GAS2L3: variants seen among roughly 807,000 people sequenced by gnomAD.
The protein encoded by GAS2L3 is growth arrest specific 2 like 3.
Under a neutral mutation model 37.0 loss-of-function variants are expected in GAS2L3, and 28 were observed. The ratio of observed to expected loss-of-function variants is 0.76; its 90% CI spans 0.56 to 1.04. The LOEUF (loss-of-function observed/expected upper bound fraction) is 1.04, where lower values mean the gene tolerates loss of function less well. Ranked by LOEUF, GAS2L3 falls within the 50% of genes least tolerant of loss-of-function variation. The probability of loss-of-function intolerance (pLI) is 0.00; values close to 1 mark genes in which losing one functional copy is unlikely to be tolerated. For synonymous variants in GAS2L3, 290 were observed against 296.6 expected (o/e 0.98, Z 0.23); for missense variants, 793 against 817.6 (o/e 0.97, Z 0.37).
At chr12:100,579,585 G>A (rs1955683487) in intron 1 of GAS2L3, 1 of 773,464 alleles carries the variant, frequency 1.3e-6, no homozygotes, top group Admixed American at 1.7e-5. Context: ...CCAGTTGCAT[G>A]ACAGGGTGCA....
rs972165199 is a variant in GAS2L3 at position 100,601,536 on chromosome 12, T to C, written c.188-102T>C. 17 of 663,064 alleles carry C rather than the reference T, an allele frequency of 2.6e-5. No homozygotes were observed. The Admixed American group carries it at 4.0e-4, about 16-fold the overall frequency. The allele number at this position is 663,064 out of a possible 1,614,324, so 41.1% of individuals were successfully genotyped here. A position where few individuals can be genotyped will look rare whatever the true frequency, so the allele number is the denominator to read the frequency against. On this transcript the variant is annotated intron_variant, in intron 4 of 9. Transcript: ENST00000547754. The stretch of plus-strand genomic sequence containing the variant: ...AGTAAGTATTTAGAGTCTGATCTGA[T>C]ATTTTTCTAGTGTTTTGCTGTAATC...
rs555553421 is a variant in GAS2L3, at chr12:100,622,452, C to T, written c.756+70C>T. On this transcript the variant is annotated intron_variant, in intron 9 of 9. Coordinates refer to ENST00000547754, the MANE Select transcript of GAS2L3 (RefSeq NM_174942.3). ...GAAATTGGATTTATTGCTTTACTAA[C>T]CTTTTGCTCTCCTTTTACTTTTAAA... 813 of 747,552 alleles carry T rather than the reference C, an allele frequency of 1.1e-3. 2 individuals are homozygous for T. Among genetic ancestry groups the T allele is most frequent in the Non-Finnish European group, 1.7e-3 (742 of 442,044 alleles). 46.3% of individuals were successfully genotyped at this position (747,552 alleles called of 1,614,324 possible).
Position 100,601,694 on chromosome 12 carries a change from T to C in GAS2L3, c.244T>C (p.Cys82Arg). The change falls in exon 5 of 10, where the codon TGT becomes CGT. Residue 82 changes from cysteine (C) to arginine (R), a missense_variant. Transcript: ENST00000547754. The part of the protein sequence containing the change: ...LEELDNGVLL[C>R]QLIDVLQNMV... ...AGAACTTGATAATGGAGTACTATTA[T>C]GTCAACTGATTGATGTTCTTCAAAA... is the stretch of plus-strand genomic sequence containing the variant. 6.2e-7 allele frequency: 1 copy of C among 1,606,284 alleles called. No homozygotes were observed. Among genetic ancestry groups the C allele is most frequent in the East Asian group, 2.2e-5 (1 of 44,572 alleles).
At chr12:100,590,683 G>A (rs1294458710) in intron 1 of GAS2L3, among the ~76,000 whole-genome samples, 1 of 152,112 alleles carries the variant, frequency 6.6e-6, no homozygotes, top group South Asian at 2.1e-4. Flanking sequence ...ATGAATAAAT[G>A]AGTACAGAAA....
chr12:100,603,017 T>C (rs183272546), intron 5 of GAS2L3, among the ~76,000 whole-genome samples: 1 of 152,310 alleles, frequency 6.6e-6, no homozygotes, highest in East Asian at 1.9e-4. Context: ...TGTATATGTG[T>C]GTCACATTTT....
In GAS2L3 at chr12:100,623,980, C is replaced by G; in HGVS notation, c.1175C>G (p.Thr392Arg). 1 of 1,614,046 alleles carries G rather than the reference C, an allele frequency of 6.2e-7. No individual in the cohort carries two copies. The highest frequency in any genetic ancestry group is 8.5e-7 in the Non-Finnish European group (1 of 1,179,956). Residue 392 changes from threonine (T) to arginine (R), a missense_variant, in exon 10 of 10, where the codon ACG (threonine) becomes AGG (arginine). By Grantham distance (71) the Thr-to-Arg change is moderately conservative (BLOSUM62 -1). Transcript: ENST00000547754. ...HPKLKSSKGI[T>R]KKPQAPSNNA... Reference sequence around the variant, plus strand: ...AAGCTCAAGTCTTCAAAAGGCATAACGAAGAAACCGCAGGCTCCTTCAAAC... The same window carrying G: ...AAGCTCAAGTCTTCAAAAGGCATAAGGAAGAAACCGCAGGCTCCTTCAAAC...
At chr12:100,613,597 T>TC (rs201542230) in intron 6 of GAS2L3, among the ~76,000 whole-genome samples, 6 of 151,386 alleles carry the variant, frequency 4.0e-5, no homozygotes, top group South Asian at 2.1e-4. Context: ...ACCATTTCTT[T>TC]CTTTTTTTTT....
intron 1 of GAS2L3, chr12:100,579,691 C>A (rs556671515): frequency 2.6e-6 from 2 of 775,510 alleles, no homozygotes; most frequent in East Asian, 4.9e-5. Flanking sequence ...TTCTGCATGG[C>A]GATCATGGAA....
In GAS2L3 at chr12:100,627,160, A is replaced by G. The variant is rs571806127; in HGVS notation, c.*2270A>G. Among the ~76,000 whole-genome samples the G allele has an allele frequency of 6.6e-6, 1 of 151,972 alleles. No homozygotes were observed. The highest frequency in any genetic ancestry group is 1.5e-5 in the Non-Finnish European group (1 of 68,010). Reference sequence around the variant, plus strand: ...ATTGGAAGTCAGTTTATACATTACTATTTTTCAGCAGTAGGGAATTTCTCC... The same window carrying G: ...ATTGGAAGTCAGTTTATACATTACTGTTTTTCAGCAGTAGGGAATTTCTCC... On this transcript the variant is annotated 3_prime_UTR_variant, in exon 10 of 10. Transcript: ENST00000547754.
At chr12:100,615,118 C>T (rs941423997) in intron 6 of GAS2L3, among the ~76,000 whole-genome samples, 3 of 152,176 alleles carry the variant, frequency 2.0e-5, no homozygotes, top group African/African-American at 7.2e-5. Context: ...TTTTACATTT[C>T]TGCCAGCAGT....
At chr12:100,608,717 G>T (rs958355137) in intron 5 of GAS2L3, among the ~76,000 whole-genome samples, 9 of 152,034 alleles carry the variant, frequency 5.9e-5, no homozygotes, top group Admixed American at 5.2e-4. Flanking sequence ...TAGAGACGGG[G>T]TTTCACCATG....
At chr12:100,616,097 G>C (rs1168498981) in intron 6 of GAS2L3, among the ~76,000 whole-genome samples, 2 of 152,136 alleles carry the variant, frequency 1.3e-5, no homozygotes, top group Non-Finnish European at 1.5e-5. Flanking sequence ...ATCTTAACAA[G>C]TTGTCTTCCA....
chr12:100,576,385 TTTTAC>T (rs1955637372), intron 1 of GAS2L3, among the ~76,000 whole-genome samples: 1 of 152,238 alleles, frequency 6.6e-6, no homozygotes. Context: ...TATTCTTATG[TTTTAC>T]TTTCTTACAG....
Position 100,625,793 on chromosome 12 carries a change from TTTAAAA to T in GAS2L3, c.*908_*913del, listed in dbSNP as rs1349933261. 6.6e-6 allele frequency: 1 copy of T among 152,212 alleles called. No individual in the cohort carries two copies. The highest frequency in any genetic ancestry group is 2.4e-5 in the African/African-American group (1 of 41,458). 9.4% of individuals were successfully genotyped at this position (152,212 alleles called of 1,614,324 possible). A position where few individuals can be genotyped will look rare whatever the true frequency, so the allele number is the denominator to read the frequency against. On this transcript the variant is annotated 3_prime_UTR_variant, in exon 10 of 10. Transcript: ENST00000547754. ...AACATCAGAATTATGTTTTAACAAC[TTTAAAA>T]TTAAGATGATGTTAAAATAATTTTA...
At chr12:100,619,661 A>G (rs1048911159) in intron 8 of GAS2L3, among the ~76,000 whole-genome samples, 12 of 152,002 alleles carry the variant, frequency 7.9e-5, no homozygotes, top group Admixed American at 7.9e-4. Context: ...ATGATTGTCA[A>G]TATCAATATG....
intron 1 of GAS2L3, among the ~76,000 whole-genome samples, chr12:100,590,626 G>A (rs1955834548): frequency 6.6e-6 from 1 of 152,144 alleles, no homozygotes; most frequent in Admixed American, 6.5e-5. Flanking sequence ...CATGTTTATA[G>A]CAGCAAGATT....
chr12:100,623,272 A>C (rs545413365), intron 9 of GAS2L3, among the ~76,000 whole-genome samples: 3 of 152,196 alleles, frequency 2.0e-5, no homozygotes, highest in Non-Finnish European at 4.4e-5. Context: ...CCTAAAACCC[A>C]ACTTGAGATA....
Position 100,624,921 on chromosome 12 carries a change from G to T in GAS2L3, c.*31G>T. On this transcript the variant is annotated 3_prime_UTR_variant, in exon 10 of 10. Transcript: ENST00000547754. ...TACTCATTATAAAAAAAGAGAAAAG[G>T]AAGAATGAATGTGTTAGCTTCACAT... The T allele has an allele frequency of 1.4e-6, 2 of 1,471,064 alleles. No homozygotes were observed. The highest frequency in any genetic ancestry group is 1.9e-6 in the Non-Finnish European group (2 of 1,080,870). 91.1% of individuals were successfully genotyped at this position (1,471,064 alleles called of 1,614,324 possible).
Position 100,623,845 on chromosome 12 carries a change from G to C in GAS2L3, c.1040G>C (p.Gly347Ala). ...ATTCCAAAAAGCAAAGAAAAACAGG[G>C]ACGTCCACCAGGTGCATTGGTGCCA... Reference protein sequence around the residue: ...VSIPKSKEKQGRPPGALVPAS... With the variant: ...VSIPKSKEKQARPPGALVPAS... Residue 347 changes from glycine to alanine, a missense_variant, in exon 10 of 10, where the codon GGA becomes GCA. Gly to Ala is a moderately conservative substitution (Grantham distance 60, BLOSUM62 0). Transcript: ENST00000547754. The C allele has an allele frequency of 6.2e-7, 1 of 1,613,926 alleles. No individual in the cohort carries two copies. The highest frequency in any genetic ancestry group is 8.5e-7 in the Non-Finnish European group (1 of 1,179,940).
Sources: gnomAD v4.1 joint callset for allele counts (sites outside exome capture counted in the v4.1 genomes callset) on GRCh38, gnomAD v4.1.1 for gene constraint, MANE v1.5 for transcripts, NCBI Gene and HGNC (gene_info 2026-07-23, HGNC 2026-07-21) for gene names.